GRM8: variants seen among roughly 807,000 people sequenced by gnomAD.
GRM8 encodes glutamate metabotropic receptor 8, also known as metabotropic glutamate receptor 8.
A neutral mutation model predicts 87.2 loss-of-function variants in GRM8; 47 were observed. The observed-to-expected ratio is 0.54, with a 90% confidence interval of 0.43 to 0.69. The LOEUF is 0.69. Ranked by LOEUF, GRM8 falls within the 30% of genes least tolerant of loss-of-function variation. The pLI is 0.00. For synonymous variants in GRM8, 396 were observed against 404.5 expected (o/e 0.98, Z 0.25); for missense variants, 1,019 against 1,139.2 (o/e 0.89, Z 1.52).
At chr7:126,847,915 A>C (rs1796854154) in intron 6 of GRM8, among the ~76,000 whole-genome samples, 1 of 152,206 alleles carries the variant, frequency 6.6e-6, no homozygotes, top group South Asian at 2.1e-4. Context: ...TTCCAGCAAG[A>C]CTTAAAGTGA....
chr7:126,461,009 T>C (rs776699705), intron 9 of GRM8, among the ~76,000 whole-genome samples: 12 of 151,382 alleles, frequency 7.9e-5, no homozygotes, highest in Non-Finnish European at 1.5e-4. Flanking sequence ...ATCCCTCTTT[T>C]TGATGAGCAT....
At chr7:126,768,702 G>A (rs1449753151) in intron 7 of GRM8, among the ~76,000 whole-genome samples, 1 of 151,972 alleles carries the variant, frequency 6.6e-6, no homozygotes, top group African/African-American at 2.4e-5. Flanking sequence ...ATTAGATAAA[G>A]GAAGTGTTCC....
intron 7 of GRM8, among the ~76,000 whole-genome samples, chr7:126,725,335 G>A (rs546057076): frequency 2.0e-5 from 3 of 152,256 alleles, no homozygotes; most frequent in Admixed American, 1.3e-4. Flanking sequence ...GCCCCAGATT[G>A]TGATGCTCAA....
At chr7:126,896,387 A>C (rs944942976) in intron 6 of GRM8, among the ~76,000 whole-genome samples, 1 of 151,988 alleles carries the variant, frequency 6.6e-6, no homozygotes, top group African/African-American at 2.4e-5. Flanking sequence ...AAGGGGACAA[A>C]TGGGGATGGC....
At chr7:126,889,698 T>C (rs1309403329) in intron 6 of GRM8, among the ~76,000 whole-genome samples, 1 of 152,128 alleles carries the variant, frequency 6.6e-6, no homozygotes, top group African/African-American at 2.4e-5. Flanking sequence ...ACATTTTATA[T>C]TCACTGACTG....
intron 2 of GRM8, among the ~76,000 whole-genome samples, chr7:127,125,877 A>G (rs1827341932): frequency 6.6e-6 from 1 of 151,918 alleles, no homozygotes; most frequent in Non-Finnish European, 1.5e-5. Context: ...TTGAAAAAAT[A>G]CTTTACATCA....
intron 7 of GRM8, among the ~76,000 whole-genome samples, chr7:126,697,458 G>C (rs1049179983): frequency 1.3e-5 from 2 of 152,072 alleles, no homozygotes; most frequent in Admixed American, 1.3e-4. Context: ...TAATGTGCTT[G>C]ACCTTAGTAT....
intron 6 of GRM8, among the ~76,000 whole-genome samples, chr7:126,797,483 G>T (rs1822087770): frequency 1.3e-5 from 2 of 151,462 alleles, no homozygotes; most frequent in Admixed American, 1.3e-4. Flanking sequence ...TCATATTTTG[G>T]ATTTCTCTAA....
intron 3 of GRM8, among the ~76,000 whole-genome samples, chr7:126,908,278 A>T (rs374372799): frequency 1.3e-5 from 2 of 152,276 alleles, no homozygotes; most frequent in South Asian, 4.2e-4. Flanking sequence ...TCAGGTTTGG[A>T]GAAGGAGGAA....
intron 7 of GRM8, among the ~76,000 whole-genome samples, chr7:126,739,393 C>T (rs1814658915): frequency 6.8e-6 from 1 of 147,696 alleles, no homozygotes; most frequent in Non-Finnish European, 1.5e-5. Flanking sequence ...CAAAGTTACT[C>T]AAAATTGTGT....
chr7:126,943,247 A>C (rs1807165127), intron 3 of GRM8, among the ~76,000 whole-genome samples: 1 of 152,212 alleles, frequency 6.6e-6, no homozygotes, highest in Non-Finnish European at 1.5e-5. Context: ...CACCAGTCAC[A>C]ATCACTCAAA....
intron 3 of GRM8, among the ~76,000 whole-genome samples, chr7:127,020,641 A>G (rs924092908): frequency 1.3e-5 from 2 of 152,052 alleles, no homozygotes; most frequent in African/African-American, 4.8e-5. Context: ...TGTGAATGGT[A>G]TCATCATCTT....
chr7:126,903,755 GTA>G (rs1219504080), intron 5 of GRM8, among the ~76,000 whole-genome samples: 20 of 105,126 alleles, frequency 1.9e-4, no homozygotes, highest in African/African-American at 5.8e-4. Context: ...ATGTATATGT[GTA>G]TATATATATG....
At chr7:126,825,877 C>T (rs958457790) in intron 6 of GRM8, among the ~76,000 whole-genome samples, 7 of 150,338 alleles carry the variant, frequency 4.7e-5, no homozygotes, top group African/African-American at 7.4e-5. Flanking sequence ...CACCTCCCCC[C>T]ACCCCACAAC....
intron 2 of GRM8, among the ~76,000 whole-genome samples, chr7:127,136,762 G>T (rs1244576400): frequency 6.6e-6 from 1 of 151,762 alleles, no homozygotes; most frequent in Middle Eastern, 3.2e-3. Flanking sequence ...AGGAGGATGT[G>T]TCAGCATTTG....
rs1586974998 is a variant in GRM8, at chr7:127,091,805, T to G, written c.727+14691A>C. 2.9e-4 allele frequency among the ~76,000 whole-genome samples: 14 copies of G among 48,194 alleles called. No homozygotes were observed. In the South Asian group the frequency reaches 5.3e-3, roughly 18 times the overall value. The allele number at this position is 48,194 out of a possible 152,430, so 31.6% of individuals were successfully genotyped here. On this transcript the variant is annotated intron_variant, in intron 3 of 10. Coordinates refer to ENST00000339582, the MANE Select transcript of GRM8 (RefSeq NM_000845.3). ...CACTGATGACTCCCCACCCCCGCGG[T>G]CCCACTGGTCATCCCGCCGTCTGGC...
chr7:126,580,129 G>C (rs1221094936), intron 8 of GRM8, among the ~76,000 whole-genome samples: 1 of 152,010 alleles, frequency 6.6e-6, no homozygotes, highest in African/African-American at 2.4e-5. Context: ...TTCTCTGAGG[G>C]CCATCTTTTT....
chr7:127,231,465 T>C (rs956554039), intron 2 of GRM8, among the ~76,000 whole-genome samples: 4 of 152,226 alleles, frequency 2.6e-5, no homozygotes, highest in African/African-American at 9.6e-5. Context: ...AGTCACATTT[T>C]AAACAGGTGG....
chr7:126,718,490 T>C (rs547423842), intron 7 of GRM8, among the ~76,000 whole-genome samples: 3 of 152,262 alleles, frequency 2.0e-5, no homozygotes, highest in African/African-American at 4.8e-5. Flanking sequence ...TGAGCTTTTG[T>C]CTCCCTGTGC....
Sources: allele counts gnomAD v4.1 joint callset (sites outside exome capture counted in the v4.1 genomes callset), GRCh38; gene constraint gnomAD v4.1.1; transcripts MANE v1.5; gene names NCBI Gene and HGNC (gene_info 2026-07-23, HGNC 2026-07-21).